NFATC2: variants seen among roughly 807,000 people sequenced by gnomAD.
The protein encoded by NFATC2 is nuclear factor of activated T-cells, cytoplasmic 2.
In NFATC2, 22 loss-of-function variants were observed where a neutral mutation model predicts 87.3. The ratio of observed to expected loss-of-function variants is 0.25; its 90% confidence interval spans 0.18 to 0.36. The LOEUF (loss-of-function observed/expected upper bound fraction) is 0.36, where lower values mean the gene tolerates loss of function less well. Among genes scored for constraint, NFATC2 ranks in the 10% least tolerant of loss-of-function variants. NFATC2 has a pLI of 1.00. For missense variants in NFATC2, 1,149 were observed against 1,259.1 expected, an observed-to-expected ratio of 0.91 and a Z score of 1.32; for synonymous variants, 565 against 542.2, an observed-to-expected ratio of 1.04 and a Z score of -0.58.
At position 51,523,639 on chromosome 20, in the gene NFATC2, A is replaced by G. The variant is rs2146722623; in HGVS notation, c.602T>C (p.Leu201Pro). The G allele has an allele frequency of 6.2e-7, 1 of 1,613,598 alleles. No homozygotes were observed. Among genetic ancestry groups the G allele is most frequent in the Non-Finnish European group, 8.5e-7 (1 of 1,179,786 alleles). Residue 201 changes from leucine (L) to proline (P), a missense_variant, in exon 2 of 11, where the codon CTG becomes CCG. Physicochemically the swap from Leu to Pro is moderately conservative, Grantham distance 98. This residue lies in a region of NFATC2 where 563 missense variants were observed against 585.2 expected (regional missense o/e 0.96). Coordinates refer to ENST00000371564, the MANE Select transcript of NFATC2 (RefSeq NM_012340.5). This position sits in a 1 kb window ranked among gnomAD's most constrained non-coding sequence, Gnocchi z 6.9. ...AGGGATGTTTTGAAACTGCGGACAC[A>G]GGTCGTCGGGCCCGCCGTTATTGGG... is the stretch of plus-strand genomic sequence containing the variant. ...VSPNNGGPDD[L>P]CPQFQNIPAH...
At chr20:51,537,879 G>A (rs1274918053) in intron 1 of NFATC2, among the ~76,000 whole-genome samples, 4 of 152,156 alleles carry the variant, frequency 2.6e-5, no homozygotes, top group Non-Finnish European at 4.4e-5. Context: ...TAGTGAATAC[G>A]TTTGAAACCT....
intron 3 of NFATC2, among the ~76,000 whole-genome samples, chr20:51,487,853 C>T (rs894061253): frequency 2.0e-5 from 3 of 151,982 alleles, no homozygotes; most frequent in African/African-American, 4.8e-5. Context: ...TACCTTTCCA[C>T]ACTCTATTTT....
chr20:51,477,533 G>GTATATATATA (rs1203933981), intron 3 of NFATC2, among the ~76,000 whole-genome samples: 1 of 68,550 alleles, frequency 1.5e-5, no homozygotes, highest in African/African-American at 6.1e-5. Context: ...GTGTGTGTGT[G>GTATATATATA]TCTATATATA....
Position 51,414,200 on chromosome 20 carries a change from G to T in NFATC2, c.2723-15470C>A, listed in dbSNP as rs1979701491. ...TGCAAAGCCAGCCCAGGGGCAGTCA[G>T]CAGTGCAGACAAGTCACAGCATTTG... On this transcript the variant is annotated intron_variant, in intron 9 of 10. Coordinates refer to ENST00000371564, the MANE Select transcript of NFATC2 (RefSeq NM_012340.5). Among the ~76,000 whole-genome samples the T allele has an allele frequency of 4.7e-5, 6 of 128,938 alleles. No individual in the cohort carries two copies. In the Admixed American group the frequency reaches 4.9e-4, roughly 10 times the overall value. 84.6% of individuals were successfully genotyped at this position (128,938 alleles called of 152,430 possible).
intron 5 of NFATC2, among the ~76,000 whole-genome samples, chr20:51,458,842 A>G (rs1448166912): frequency 6.6e-6 from 1 of 152,124 alleles, no homozygotes; most frequent in East Asian, 1.9e-4. Context: ...AAATGATTAC[A>G]AGAGGCCACA....
At chr20:51,397,134 C>A (rs987139889) in intron 10 of NFATC2, among the ~76,000 whole-genome samples, 8 of 152,186 alleles carry the variant, frequency 5.3e-5, no homozygotes, top group Non-Finnish European at 1.0e-4. Flanking sequence ...CTTGCCTCGG[C>A]CTCCCAAAGT....
intron 9 of NFATC2, among the ~76,000 whole-genome samples, chr20:51,406,378 G>C (rs1168397118): frequency 5.3e-5 from 2 of 37,550 alleles, no homozygotes; most frequent in African/African-American, 8.2e-5. Flanking sequence ...AGAAAAATGG[G>C]GGTGACAGTG....
intron 8 of NFATC2, among the ~76,000 whole-genome samples, chr20:51,434,108 TAG>T (rs1212420296): frequency 2.6e-5 from 4 of 152,190 alleles, no homozygotes; most frequent in Non-Finnish European, 4.4e-5. Flanking sequence ...CCTGCCCTGA[TAG>T]AGTGTCATGT....
intron 1 of NFATC2, among the ~76,000 whole-genome samples, chr20:51,535,093 G>A (rs542797271): frequency 6.6e-6 from 1 of 152,180 alleles, no homozygotes; most frequent in Non-Finnish European, 1.5e-5. Flanking sequence ...GCATGACAGA[G>A]AACAGACCTC....
chr20:51,397,915 C>A (rs555162927), intron 10 of NFATC2, among the ~76,000 whole-genome samples: 159 of 152,266 alleles, frequency 1.0e-3, no homozygotes, highest in African/African-American at 3.8e-3. Flanking sequence ...GGTAATGCAA[C>A]CTTCCTTCCT....
At chr20:51,515,644 A>G (rs892257143) in intron 3 of NFATC2, among the ~76,000 whole-genome samples, 1 of 151,896 alleles carries the variant, frequency 6.6e-6, no homozygotes. Context: ...CCAAAACTCA[A>G]TGAATAGAAA....
intron 1 of NFATC2, among the ~76,000 whole-genome samples, chr20:51,539,483 T>C (rs2076771152): frequency 6.6e-6 from 1 of 152,068 alleles, no homozygotes; most frequent in African/African-American, 2.4e-5. Context: ...TTCTCTTTTT[T>C]TGTCTGGTTT....
At chr20:51,423,384 G>C (rs1981263722) in intron 9 of NFATC2, among the ~76,000 whole-genome samples, 1 of 151,316 alleles carries the variant, frequency 6.6e-6, no homozygotes, top group Non-Finnish European at 1.5e-5. Context: ...AAGTTATGCT[G>C]CTGAAAACCA....
chr20:51,435,060 C>G (rs1174004784), intron 8 of NFATC2, 128 bp downstream of exon 8: 1 of 1,153,774 alleles, frequency 8.7e-7, no homozygotes, highest in African/African-American at 1.6e-5. Flanking sequence ...ACAGATGATG[C>G]AACTGAGGCT....
chr20:51,422,567 CTCT>C (rs1981096729), intron 9 of NFATC2, among the ~76,000 whole-genome samples: 1 of 51,462 alleles, frequency 1.9e-5, no homozygotes. Context: ...AAGAAAACCC[CTCT>C]TTTTTTTTTT....
At chr20:51,555,219 C>T (rs1267994342) in intron 1 of NFATC2, among the ~76,000 whole-genome samples, 1 of 152,178 alleles carries the variant, frequency 6.6e-6, no homozygotes, top group Non-Finnish European at 1.5e-5. Context: ...TGAAAAGATT[C>T]ATTAGACCAC....
chr20:51,405,724 ATAG>A (rs1988498726), intron 9 of NFATC2, among the ~76,000 whole-genome samples: 1 of 152,198 alleles, frequency 6.6e-6, no homozygotes, highest in South Asian at 2.1e-4. Context: ...AGCCCAGCAC[ATAG>A]TAGGTGCTCA....
At position 51,533,297 on chromosome 20, in the gene NFATC2, C is replaced by A. The variant is rs112586868; in HGVS notation, c.130+9073G>T. Among the ~76,000 whole-genome samples the A allele has an allele frequency of 5.2e-3, 794 of 152,286 alleles. 11 individuals are homozygous for A. The highest frequency in any genetic ancestry group is 0.018 in the African/African-American group (764 of 41,552). ...AACCCCTTTGAAAAGCAATGGGTTG[C>A]CTCCAAATAACAAATCTGACACTCA... On this transcript the variant is annotated intron_variant, in intron 1 of 10. Coordinates refer to ENST00000371564, the MANE Select transcript of NFATC2 (RefSeq NM_012340.5).
At chr20:51,454,939 G>T (rs145093931) in intron 5 of NFATC2, among the ~76,000 whole-genome samples, 2 of 152,322 alleles carry the variant, frequency 1.3e-5, no homozygotes, top group East Asian at 3.9e-4. Flanking sequence ...AGGGACAGAG[G>T]CCTGTTCTCC....
Sources: gnomAD v4.1 joint callset for allele counts (sites outside exome capture counted in the v4.1 genomes callset) on GRCh38, gnomAD v4.1.1 for gene constraint, gnomAD v4.1.1 regional missense constraint, Gnocchi (gnomAD v3.1) non-coding constraint, MANE v1.5 for transcripts, NCBI Gene and HGNC (gene_info 2026-07-23, HGNC 2026-07-21) for gene names.